ZMYM2: variants seen among roughly 807,000 people sequenced by gnomAD.
ZMYM2 encodes zinc finger MYM-type protein 2.
ZMYM2 carries 56 observed loss-of-function variants against 162.8 expected under a neutral mutation model. The observed-to-expected ratio is 0.34, with a 90% CI of 0.28 to 0.43. ZMYM2 has a LOEUF of 0.43. Ranked by LOEUF, ZMYM2 falls within the 20% of genes least tolerant of loss-of-function variation. The probability of loss-of-function intolerance (pLI) is 1.00; values close to 1 mark genes in which losing one functional copy is unlikely to be tolerated. For missense variants in ZMYM2, 1,275 were observed against 1,621.8 expected, an observed-to-expected ratio of 0.79 and a Z score of 3.67; for synonymous variants, 510 against 541.6, an observed-to-expected ratio of 0.94 and a Z score of 0.81.
At chr13:19,992,226 G>A (rs1244708199) in intron 2 of ZMYM2, among the ~76,000 whole-genome samples, 4 of 152,104 alleles carry the variant, frequency 2.6e-5, no homozygotes, top group Admixed American at 6.6e-5. Flanking sequence ...TACAATTAAT[G>A]GGAGCCAGAG....
At chr13:20,062,260 G>A (rs1309182612) in intron 17 of ZMYM2, among the ~76,000 whole-genome samples, 2 of 152,234 alleles carry the variant, frequency 1.3e-5, no homozygotes, top group Non-Finnish European at 2.9e-5. Flanking sequence ...AGAAATGACA[G>A]TGTGAATCCC....
At chr13:20,085,776 A>C (rs776936739) in intron 24 of ZMYM2, 46 bp from the exon 25 acceptor site, 2 of 1,545,832 alleles carry the variant, frequency 1.3e-6, no homozygotes, top group Non-Finnish European at 1.7e-6. Flanking sequence ...AAGTTGTGGA[A>C]ATTTTGTGAA....
intron 14 of ZMYM2, among the ~76,000 whole-genome samples, chr13:20,057,224 T>G (rs972538122): frequency 6.6e-6 from 1 of 152,240 alleles, no homozygotes; most frequent in African/African-American, 2.4e-5. Flanking sequence ...TGCCTCAGCC[T>G]CTAGAGTAGC....
chr13:19,939,785 A>G, the ZMYM2 span, among the ~76,000 whole-genome samples: 2 of 152,228 alleles, frequency 1.3e-5, no homozygotes, highest in African/African-American at 4.8e-5. Context: ...TAGTGCTTCC[A>G]ATGTACCAGA....
chr13:20,031,158 A>G (rs1226907195), intron 9 of ZMYM2, among the ~76,000 whole-genome samples, 161 bp from the exon 10 acceptor site: 2 of 152,218 alleles, frequency 1.3e-5, no homozygotes, highest in Non-Finnish European at 2.9e-5. Context: ...AACATATACT[A>G]TAATTTTTAA....
chr13:20,057,137 C>T (rs572887362), intron 14 of ZMYM2, among the ~76,000 whole-genome samples: 1 of 152,284 alleles, frequency 6.6e-6, no homozygotes, highest in East Asian at 1.9e-4. Flanking sequence ...AAGTCTAACT[C>T]TGTCATCCAG....
intron 19 of ZMYM2, among the ~76,000 whole-genome samples, chr13:20,064,852 A>G (rs1388480054): frequency 1.3e-5 from 2 of 151,228 alleles, no homozygotes; most frequent in Non-Finnish European, 3.0e-5. Context: ...GATTTAGTTG[A>G]TACCTCAACT....
chr13:19,872,886 T>C, the ZMYM2 span, among the ~76,000 whole-genome samples: 1 of 150,678 alleles, frequency 6.6e-6, no homozygotes, highest in Admixed American at 6.6e-5. Flanking sequence ...GGAATCACAG[T>C]TATTTGGGAG....
At chr13:19,905,005 A>C in the ZMYM2 span, among the ~76,000 whole-genome samples, 1 of 145,356 alleles carries the variant, frequency 6.9e-6, no homozygotes, top group Non-Finnish European at 1.5e-5. Flanking sequence ...TCTTGCTTTC[A>C]ATTTTTTTTT....
the ZMYM2 span, among the ~76,000 whole-genome samples, chr13:19,906,297 T>TATATATATATATAC: frequency 4.5e-3 from 457 of 100,698 alleles, 9 homozygotes; most frequent in African/African-American, 0.016. Flanking sequence ...TATATATATA[T>TATATATATATATAC]ATATATATAT....
the ZMYM2 span, among the ~76,000 whole-genome samples, chr13:19,919,591 G>C: frequency 4.6e-5 from 7 of 151,780 alleles, no homozygotes; most frequent in Non-Finnish European, 1.0e-4. Flanking sequence ...TACTCTGATG[G>C]CTAGTGATGT....
At chr13:19,985,190 C>G (rs906211809) in intron 2 of ZMYM2, among the ~76,000 whole-genome samples, 1 of 152,130 alleles carries the variant, frequency 6.6e-6, no homozygotes, top group Non-Finnish European at 1.5e-5. Flanking sequence ...GTGGCATGAT[C>G]TCTGCTTACA....
intron 2 of ZMYM2, among the ~76,000 whole-genome samples, chr13:19,967,326 G>C (rs1775280888): frequency 6.6e-6 from 1 of 152,126 alleles, no homozygotes; most frequent in Non-Finnish European, 1.5e-5. Flanking sequence ...GGCCTCACAT[G>C]GAAAGGGAAC....
At chr13:20,004,944 T>G in intron 4 of ZMYM2, 130 bp from the exon 5 acceptor site, 2 of 630,170 alleles carry the variant, frequency 3.2e-6, no homozygotes, top group Non-Finnish European at 5.0e-6. Context: ...CTAATAAAAA[T>G]GATTTATTAG....
chr13:19,864,780 C>A, the ZMYM2 span: 2 of 152,302 alleles, frequency 1.3e-5, no homozygotes, highest in Non-Finnish European at 2.9e-5. Context: ...GGAGCAGAAT[C>A]AGGGACAGAT....
At chr13:19,891,491 C>T in the ZMYM2 span, among the ~76,000 whole-genome samples, 1 of 150,946 alleles carries the variant, frequency 6.6e-6, no homozygotes, top group African/African-American at 2.5e-5. Context: ...AGGATATAAC[C>T]CTAACCAGGT....
At chr13:20,031,633 A>G (rs1044040617) in intron 10 of ZMYM2, among the ~76,000 whole-genome samples, 198 bp downstream of exon 10, 1 of 152,162 alleles carries the variant, frequency 6.6e-6, no homozygotes, top group Non-Finnish European at 1.5e-5. Context: ...GGTCCAAGAA[A>G]AATTACTGAA....
At chr13:19,917,467 G>A in the ZMYM2 span, among the ~76,000 whole-genome samples, 1 of 151,746 alleles carries the variant, frequency 6.6e-6, no homozygotes, top group Non-Finnish European at 1.5e-5. Flanking sequence ...GTGCACGCCT[G>A]TAATCCCAGC....
the ZMYM2 span, among the ~76,000 whole-genome samples, chr13:19,919,078 A>G: frequency 6.7e-6 from 1 of 150,314 alleles, no homozygotes; most frequent in South Asian, 2.1e-4. Flanking sequence ...TAATTTTGTC[A>G]TTTTGAGAAT....
Sources: gnomAD v4.1 joint callset for allele counts (sites outside exome capture counted in the v4.1 genomes callset) on GRCh38, gnomAD v4.1.1 for gene constraint, MANE v1.5 for transcripts, NCBI Gene and HGNC (gene_info 2026-07-23, HGNC 2026-07-21) for gene names.